Variants in MACF1 observed in about 807,000 individuals in gnomAD.
The protein encoded by MACF1 is microtubule-actin cross-linking factor 1.
In MACF1, 193 loss-of-function variants were observed where a neutral mutation model predicts 854.8. The ratio of observed to expected loss-of-function variants is 0.23; its 90% confidence interval spans 0.20 to 0.25. The LOEUF (loss-of-function observed/expected upper bound fraction) is 0.25. Among genes scored for constraint, MACF1 ranks in the 10% least tolerant of loss-of-function variants. MACF1 has a pLI of 1.00. For missense variants in MACF1, 7,722 were observed against 8,929.1 expected, an observed-to-expected ratio of 0.86 and a Z score of 5.45; for synonymous variants, 3,185 against 3,226.7, an observed-to-expected ratio of 0.99 and a Z score of 0.44.
chr1:39,418,018 A>C (rs573002528), intron 58 of MACF1, among the ~76,000 whole-genome samples: 1 of 152,272 alleles, frequency 6.6e-6, no homozygotes, highest in East Asian at 1.9e-4. Context: ...AATAAATATA[A>C]AATAAATACA....
In MACF1 at chr1:39,443,434, T is replaced by G. The variant is rs1372180598; in HGVS notation, c.19303-12T>G. The G allele has an allele frequency of 6.3e-7, 1 of 1,599,718 alleles. No homozygotes were observed. Among genetic ancestry groups the G allele is most frequent in the Non-Finnish European group, 8.5e-7 (1 of 1,176,196 alleles). ...GACTACTGACATGGTTGATATATCT[T>G]TTTCTCAAAAGGCCCAGGGCTTCCA... On this transcript the variant is annotated splice_polypyrimidine_tract_variant and intron_variant, in intron 78 of 100. Transcript: ENST00000564288.
At chr1:39,414,422 C>T (rs1643193165) in intron 58 of MACF1, 1 of 1,613,870 alleles carries the variant, frequency 6.2e-7, no homozygotes, top group African/African-American at 1.3e-5. Flanking sequence ...GTGACCAGCA[C>T]AGTGCTACAT....
intron 21 of MACF1, chr1:39,298,631 GT>G: frequency 2.3e-6 from 1 of 435,062 alleles, no homozygotes; most frequent in Non-Finnish European, 4.6e-6. Flanking sequence ...GTGAATTTAA[GT>G]TTTTTTATTT....
chr1:39,218,825 G>A (rs545720627), intron 1 of MACF1, among the ~76,000 whole-genome samples: 2 of 152,296 alleles, frequency 1.3e-5, no homozygotes, highest in South Asian at 2.1e-4. Context: ...CTGTTGTCCA[G>A]GCTGGAGTGC....
chr1:39,234,650 C>G (rs1242692801), intron 2 of MACF1, among the ~76,000 whole-genome samples: 2 of 87,996 alleles, frequency 2.3e-5, no homozygotes, highest in Non-Finnish European at 5.0e-5. Context: ...GGGGCTGACC[C>G]CCCCACCTCC....
At chr1:39,202,491 T>C (rs565893906), upstream of MACF1, among the ~76,000 whole-genome samples, 163 of 151,582 alleles carry the variant, frequency 1.1e-3, no homozygotes, top group African/African-American at 3.8e-3. Flanking sequence ...AAAAATTAGC[T>C]AGGTGTAGTG....
At chr1:39,331,050 T>G in intron 36 of MACF1, 153 bp from the exon 37 acceptor site, 1 of 1,138,800 alleles carries the variant, frequency 8.8e-7, no homozygotes, top group South Asian at 2.0e-5. Context: ...TTGCCTGCCT[T>G]GGGCAGATTA....
At chr1:39,291,464 A>G (rs1645788520) in intron 15 of MACF1, among the ~76,000 whole-genome samples, 1 of 152,214 alleles carries the variant, frequency 6.6e-6, no homozygotes, top group East Asian at 1.9e-4. Context: ...AAAATATCCC[A>G]AAGTAACCTG....
chr1:39,326,896 A>G (rs574811112), intron 35 of MACF1, among the ~76,000 whole-genome samples: 6 of 152,278 alleles, frequency 3.9e-5, no homozygotes, highest in African/African-American at 1.2e-4. Flanking sequence ...TTATAATCAT[A>G]TAGTGGATTC....
At chr1:39,484,532 CT>C in intron 99 of MACF1, 68 bp from the exon 100 acceptor site, 1 of 1,462,332 alleles carries the variant, frequency 6.8e-7, no homozygotes, top group Non-Finnish European at 9.4e-7. Flanking sequence ...GTAAGGAGAC[CT>C]TTTAAAGTTG....
At chr1:39,237,191 A>G (rs1026668197) in intron 2 of MACF1, among the ~76,000 whole-genome samples, 8 of 152,186 alleles carry the variant, frequency 5.3e-5, no homozygotes, top group African/African-American at 1.9e-4. Flanking sequence ...CCTAGAATGC[A>G]CGTCCCAGCC....
chr1:39,417,497 C>T (rs1256281605), intron 58 of MACF1, among the ~76,000 whole-genome samples: 1 of 151,974 alleles, frequency 6.6e-6, no homozygotes, highest in Non-Finnish European at 1.5e-5. Flanking sequence ...TTTTTGCATT[C>T]CCTAACACCG....
At chr1:39,428,325 G>A in intron 63 of MACF1, 38 bp downstream of exon 63, 1 of 1,466,876 alleles carries the variant, frequency 6.8e-7, no homozygotes, top group Non-Finnish European at 9.1e-7. Context: ...ATGTTATTCT[G>A]TTATTTTGTT....
intron 58 of MACF1, among the ~76,000 whole-genome samples, chr1:39,403,693 C>T (rs950178401): frequency 1.3e-5 from 2 of 152,134 alleles, no homozygotes; most frequent in African/African-American, 4.8e-5. Context: ...AGCCCTCTTC[C>T]TCATTTTTAC....
chr1:39,309,824 A>T (rs1646261967), intron 24 of MACF1, 128 bp downstream of exon 24: 1 of 957,054 alleles, frequency 1.0e-6, no homozygotes, highest in South Asian at 1.8e-5. Flanking sequence ...ATACCATTTT[A>T]GAGTTCGAGA....
intron 11 of MACF1, 103 bp from the exon 12 acceptor site, chr1:39,284,980 G>T (rs1406800192): frequency 2.7e-6 from 4 of 1,456,010 alleles, no homozygotes; most frequent in African/African-American, 2.8e-5. Flanking sequence ...AAAAACTGCT[G>T]AATGGCTGGG....
rs1457559035 is a variant in MACF1 at position 39,442,429 on chromosome 1, T to C, written c.18966T>C (p.Ala6322=). ...CTGAGTAGCACAAACTAGAAGGGGCTCTGTTGGCCCTTGGTCAGTTCCAGC... is the reference window on the plus strand; with the variant it reads ...CTGAGTAGCACAAACTAGAAGGGGCCCTGTTGGCCCTTGGTCAGTTCCAGC... The part of the protein sequence containing the change: ...IAHRQHKLEG[A]LLALGQFQHA... Residue 6322 remains alanine, a synonymous_variant, in exon 77 of 101, where the codon GCT becomes GCC. Coordinates refer to ENST00000564288, the MANE Select transcript of MACF1 (RefSeq NM_001394062.1). 6.2e-7 allele frequency: 1 copy of C among 1,613,742 alleles called. No homozygotes were observed. Among genetic ancestry groups the C allele is most frequent in the Non-Finnish European group, 8.5e-7 (1 of 1,179,956 alleles).
intron 2 of MACF1, among the ~76,000 whole-genome samples, chr1:39,139,727 A>G (rs1468613610): frequency 6.6e-6 from 1 of 152,182 alleles, no homozygotes; most frequent in African/African-American, 2.4e-5. Context: ...TACAAGTTAT[A>G]TCATCTTTCT....
At chr1:39,145,994 C>A (rs1262408794) in intron 2 of MACF1, among the ~76,000 whole-genome samples, 1 of 152,106 alleles carries the variant, frequency 6.6e-6, no homozygotes, top group African/African-American at 2.4e-5. Context: ...ATAGAGCTAC[C>A]ATACAGTCCA....
Sources: gnomAD v4.1 joint callset for allele counts (sites outside exome capture counted in the v4.1 genomes callset) on GRCh38, gnomAD v4.1.1 for gene constraint, MANE v1.5 for transcripts, NCBI Gene and HGNC (gene_info 2026-07-23, HGNC 2026-07-21) for gene names.